ABCA9: variants seen among roughly 807,000 people sequenced by gnomAD.
ABCA9 encodes the protein ATP-binding cassette sub-family A member 9.
In ABCA9, 183 loss-of-function variants were observed where a neutral mutation model predicts 205.3. The observed-to-expected ratio is 0.89, with a 90% CI of 0.79 to 1.01. The LOEUF (loss-of-function observed/expected upper bound fraction) is 1.01, where lower values mean the gene tolerates loss of function less well. Ranked by LOEUF, ABCA9 falls within the 50% of genes least tolerant of loss-of-function variation. The pLI is 0.00. For synonymous variants in ABCA9, 651 were observed against 683.3 expected (o/e 0.95, Z 0.74); for missense variants, 1,805 against 1,912.4 (o/e 0.94, Z 1.05).
chr17:69,066,916 G>A, the ABCA9 span, among the ~76,000 whole-genome samples: 2 of 152,194 alleles, frequency 1.3e-5, no homozygotes, highest in African/African-American at 2.4e-5. Flanking sequence ...TCTCTGAACT[G>A]ATGGCTCAAA....
chr17:69,016,503 C>T, intron 21 of ABCA9, 113 bp from the exon 22 acceptor site: 1 of 921,138 alleles, frequency 1.1e-6, no homozygotes, highest in Non-Finnish European at 1.6e-6. Context: ...GTCCCAAGCA[C>T]TGAATGTGAT....
intron 27 of ABCA9, 143 bp downstream of exon 27, chr17:68,992,873 G>T: frequency 3.5e-6 from 2 of 567,222 alleles, no homozygotes; most frequent in Non-Finnish European, 3.2e-6. Context: ...GTGTGTGCAC[G>T]CATGCATGCA....
At chr17:68,982,725 C>T in intron 36 of ABCA9, 84 bp from the exon 37 acceptor site, 1 of 1,141,546 alleles carries the variant, frequency 8.8e-7, no homozygotes, top group Non-Finnish European at 1.3e-6. Context: ...GGAAACAAGG[C>T]TAGGCATGGT....
rs538135410 is a variant in ABCA9 at position 69,056,170 on chromosome 17, T to C, written c.-14+4696A>G. On this transcript the variant is annotated intron_variant, in intron 1 of 38. Coordinates refer to ENST00000340001, the MANE Select transcript of ABCA9 (RefSeq NM_080283.4). Reference sequence around the variant, plus strand: ...ATAAAAGAAATAGTAAAAATTATGATAGAAATCAATGAAACGGAAAACAGG... The same window carrying C: ...ATAAAAGAAATAGTAAAAATTATGACAGAAATCAATGAAACGGAAAACAGG... Among the ~76,000 whole-genome samples the C allele has an allele frequency of 6.6e-5, 10 of 151,990 alleles. No homozygotes were observed. In the South Asian group the frequency reaches 2.1e-3, roughly 32 times the overall value.
intron 19 of ABCA9, chr17:69,019,740 G>C (rs908591965): frequency 2.6e-5 from 4 of 152,216 alleles, no homozygotes; most frequent in African/African-American, 9.7e-5. Context: ...CTGAAGCTCT[G>C]GGGGTACATG....
At chr17:68,998,951 A>C (rs1014510235) in intron 25 of ABCA9, among the ~76,000 whole-genome samples, 1 of 151,850 alleles carries the variant, frequency 6.6e-6, no homozygotes, top group Non-Finnish European at 1.5e-5. Flanking sequence ...TTTGTTCTGC[A>C]TTGTTTTGGA....
chr17:69,062,308 TG>T (rs1375917270), upstream of ABCA9, among the ~76,000 whole-genome samples: 3 of 152,048 alleles, frequency 2.0e-5, no homozygotes, highest in Non-Finnish European at 4.4e-5. Flanking sequence ...TTCAGTAACT[TG>T]TTTCCTAGAA....
intron 22 of ABCA9, among the ~76,000 whole-genome samples, chr17:69,014,863 T>C (rs1348305186): frequency 6.6e-6 from 1 of 152,138 alleles, no homozygotes; most frequent in East Asian, 1.9e-4. Flanking sequence ...GTATGGACTT[T>C]CCTGCAGCAG....
rs1441751148 is a variant in ABCA9, at chr17:68,980,587, A to C, written c.4720+1975T>G. Among the ~76,000 whole-genome samples the C allele has an allele frequency of 4.6e-5, 7 of 152,214 alleles. No individual in the cohort carries two copies. In the East Asian group the frequency reaches 1.3e-3, roughly 29 times the overall value. On this transcript the variant is annotated intron_variant, in intron 37 of 38. Coordinates refer to ENST00000340001, the MANE Select transcript of ABCA9 (RefSeq NM_080283.4). ...TAAGAAAATGTGGCACATATACACC[A>C]TGGAATACTATGCAGCCATAAAAAT...
At chr17:69,074,745 C>G in the ABCA9 span, among the ~76,000 whole-genome samples, 1 of 151,946 alleles carries the variant, frequency 6.6e-6, no homozygotes, top group Non-Finnish European at 1.5e-5. Context: ...GAAATTTATC[C>G]ATTTCCTCTA....
chr17:69,069,306 A>G, the ABCA9 span, among the ~76,000 whole-genome samples: 1 of 152,178 alleles, frequency 6.6e-6, no homozygotes, highest in Non-Finnish European at 1.5e-5. Flanking sequence ...GAATGCATAA[A>G]TGGTAATTTT....
At chr17:69,060,187 T>A (rs2072198279) in intron 1 of ABCA9, among the ~76,000 whole-genome samples, 1 of 152,176 alleles carries the variant, frequency 6.6e-6, no homozygotes, top group South Asian at 2.1e-4. Flanking sequence ...AGAAAAAATA[T>A]ACTACCCACC....
At chr17:68,984,316 C>T in intron 34 of ABCA9, 141 bp from the exon 35 acceptor site, 1 of 1,139,540 alleles carries the variant, frequency 8.8e-7, no homozygotes, top group Non-Finnish European at 1.2e-6. Context: ...GTAGGGATGA[C>T]AGGCACGGAA....
chr17:69,061,585 A>G (rs1004591754), upstream of ABCA9, among the ~76,000 whole-genome samples: 2 of 152,194 alleles, frequency 1.3e-5, no homozygotes, highest in African/African-American at 2.4e-5. Flanking sequence ...GAAATCTCAC[A>G]TAACAATTAC....
intron 31 of ABCA9, among the ~76,000 whole-genome samples, chr17:68,988,227 G>A (rs1478744653): frequency 2.0e-5 from 3 of 151,074 alleles, no homozygotes; most frequent in Non-Finnish European, 2.9e-5. Context: ...TTTCCTCTTG[G>A]AAGTTGTGGT....
intron 23 of ABCA9, among the ~76,000 whole-genome samples, chr17:69,011,071 T>C (rs2070354086): frequency 6.6e-6 from 1 of 152,180 alleles, no homozygotes; most frequent in Non-Finnish European, 1.5e-5. Context: ...TTAACATTTA[T>C]GGGAAAGTTA....
upstream of ABCA9, among the ~76,000 whole-genome samples, chr17:69,064,249 G>T (rs1004633333): frequency 5.3e-5 from 8 of 151,694 alleles, no homozygotes; most frequent in Non-Finnish European, 1.0e-4. Flanking sequence ...CCTTTTTTCA[G>T]GTTCCCCTTT....
At chr17:69,054,526 C>CAAAAA (rs751565245) in intron 1 of ABCA9, among the ~76,000 whole-genome samples, 1 of 77,318 alleles carries the variant, frequency 1.3e-5, no homozygotes. Context: ...GACCCTCTCT[C>CAAAAA]AAAAAAAAAA....
intron 37 of ABCA9, 56 bp from the exon 38 acceptor site, chr17:68,976,246 C>G: frequency 6.6e-7 from 1 of 1,505,506 alleles, no homozygotes; most frequent in South Asian, 1.2e-5. Flanking sequence ...GTGAGTTTTA[C>G]CAAGTAACAA....
Sources: gnomAD v4.1 joint callset for allele counts (sites outside exome capture counted in the v4.1 genomes callset) on GRCh38, gnomAD v4.1.1 for gene constraint, MANE v1.5 for transcripts, NCBI Gene and HGNC (gene_info 2026-07-23, HGNC 2026-07-21) for gene names.